The following DOCK8 variants were observed in gnomAD, a reference collection of about 807,000 sequenced individuals.
DOCK8 encodes the protein dedicator of cytokinesis protein 8.
Under a neutral mutation model 245.6 loss-of-function variants are expected in DOCK8, and 141 were observed. The ratio of observed to expected loss-of-function variants is 0.57; its 90% CI spans 0.50 to 0.66. The LOEUF is 0.66. Among genes scored for constraint, DOCK8 ranks in the 30% least tolerant of loss-of-function variants. The pLI, the probability that DOCK8 is intolerant of heterozygous loss-of-function variation, is 0.00. For missense variants in DOCK8, 2,965 were observed against 2,603.4 expected, an observed-to-expected ratio of 1.14 and a Z score of -3.02; for synonymous variants, 1,168 against 970.2, an observed-to-expected ratio of 1.20 and a Z score of -3.79.
At position 312,014 on chromosome 9, in the gene DOCK8, T is replaced by G. The variant is rs771224715; in HGVS notation, c.589T>G (p.Cys197Gly). 1 of 1,614,188 alleles carries G rather than the reference T, an allele frequency of 6.2e-7. No individual in the cohort carries two copies. Among genetic ancestry groups the G allele is most frequent in the Non-Finnish European group, 8.5e-7 (1 of 1,180,022 alleles). ...GTCTGGGAAAGGCCCCGTCACTGCC[T>G]GTGACTTTGACCTCCGCAGCCTGCA... ...DVSGKGPVTA[C>G]DFDLRSLQPD... Residue 197 changes from cysteine (C) to glycine (G), a missense_variant, in exon 6 of 48, where the codon TGT (cysteine) becomes GGT (glycine). Coordinates refer to ENST00000432829, the MANE Select transcript of DOCK8 (RefSeq NM_203447.4).
At chr9:394,808 C>G (rs557941161) in intron 24 of DOCK8, among the ~76,000 whole-genome samples, 7 of 152,366 alleles carry the variant, frequency 4.6e-5, no homozygotes, top group African/African-American at 1.4e-4. Context: ...CAGGCCTCCA[C>G]TAGTGTTTCT....
At chr9:255,256 A>C (rs2047741909) in intron 1 of DOCK8, among the ~76,000 whole-genome samples, 2 of 152,152 alleles carry the variant, frequency 1.3e-5, no homozygotes, top group South Asian at 4.1e-4. Flanking sequence ...CGATCCTGAG[A>C]CTCTTTTGAC....
intron 11 of DOCK8, among the ~76,000 whole-genome samples, chr9:336,045 C>T (rs1015273110): frequency 6.6e-6 from 1 of 152,174 alleles, no homozygotes; most frequent in Non-Finnish European, 1.5e-5. Flanking sequence ...ATTTGGGGTT[C>T]TAATTCCCAT....
chr9:265,265 C>G (rs1295715930), intron 1 of DOCK8, among the ~76,000 whole-genome samples: 2 of 152,126 alleles, frequency 1.3e-5, no homozygotes, highest in African/African-American at 4.8e-5. Context: ...ACTACCCTGC[C>G]CTAACCTTGT....
intron 1 of DOCK8, among the ~76,000 whole-genome samples, chr9:225,476 C>T (rs932972014): frequency 2.0e-5 from 3 of 152,128 alleles, no homozygotes; most frequent in Non-Finnish European, 4.4e-5. Context: ...TGGGATTAGA[C>T]TGGGTCATCA....
chr9:417,676 C>T (rs2056087219), intron 29 of DOCK8, among the ~76,000 whole-genome samples: 1 of 152,116 alleles, frequency 6.6e-6, no homozygotes, highest in Non-Finnish European at 1.5e-5. Flanking sequence ...TATTGCTGAA[C>T]TTGTGATAAT....
chr9:403,662 G>A (rs769128280), intron 26 of DOCK8, among the ~76,000 whole-genome samples: 3 of 151,602 alleles, frequency 2.0e-5, no homozygotes, highest in African/African-American at 4.8e-5. Flanking sequence ...CCAGGAGTTC[G>A]AGACCAGCTT....
chr9:291,897 C>G (rs192970319), intron 4 of DOCK8, among the ~76,000 whole-genome samples: 2 of 150,820 alleles, frequency 1.3e-5, no homozygotes, highest in Admixed American at 6.6e-5. Flanking sequence ...AGAGACCCCA[C>G]CTCTAAAAAA....
chr9:434,860 A>C lies in DOCK8; in HGVS notation c.4964A>C (p.Lys1655Thr). ...AACATGGCAGAGAAACACACCAAGA[A>C]GAAGTGCTACACGGAGGCTGCCATG... ...LQNMAEKHTK[K>T]KCYTEAAMCL... Residue 1655 changes from lysine to threonine, a missense_variant, in exon 39 of 48, where the codon AAG becomes ACG. Transcript: ENST00000432829. 1 of 1,614,138 alleles carries C rather than the reference A, an allele frequency of 6.2e-7. No homozygotes were observed. Among genetic ancestry groups the C allele is most frequent in the Non-Finnish European group, 8.5e-7 (1 of 1,180,026 alleles).
chr9:267,226 A>G (rs2048056387), intron 1 of DOCK8, among the ~76,000 whole-genome samples: 1 of 152,200 alleles, frequency 6.6e-6, no homozygotes, highest in East Asian at 1.9e-4. Context: ...TTGTTTTGAG[A>G]CAGGGTCTCA....
chr9:262,211 A>G (rs188851519), intron 1 of DOCK8, among the ~76,000 whole-genome samples: 14 of 152,204 alleles, frequency 9.2e-5, no homozygotes, highest in Admixed American at 3.3e-4. Flanking sequence ...TGTCTAGTAT[A>G]ATGGCTAAAA....
intron 2 of DOCK8, among the ~76,000 whole-genome samples, chr9:281,875 T>C (rs2048602068): frequency 6.6e-6 from 1 of 152,210 alleles, no homozygotes; most frequent in South Asian, 2.1e-4. Context: ...CCTCCCACTT[T>C]AGTTTCAGTG....
intron 1 of DOCK8, among the ~76,000 whole-genome samples, chr9:216,535 G>GAAAAAAAAA (rs2046756542): frequency 1.3e-4 from 1 of 7,512 alleles, no homozygotes; most frequent in South Asian, 2.8e-3. Flanking sequence ...TCAAAAAACA[G>GAAAAAAAAA]ACAAAAAAAA....
intron 14 of DOCK8, among the ~76,000 whole-genome samples, chr9:362,856 T>C (rs1473182073): frequency 6.6e-6 from 1 of 152,230 alleles, no homozygotes; most frequent in African/African-American, 2.4e-5. Flanking sequence ...GCCAAAGTGA[T>C]GTTTTTGTAT....
At chr9:317,317 G>C (rs369922285) in intron 7 of DOCK8, among the ~76,000 whole-genome samples, 189 bp downstream of exon 7, 4 of 152,138 alleles carry the variant, frequency 2.6e-5, no homozygotes, top group African/African-American at 7.2e-5. Flanking sequence ...CCAACTTCTT[G>C]ATGGTCATTC....
intron 2 of DOCK8, among the ~76,000 whole-genome samples, chr9:279,623 C>G (rs941366648): frequency 6.6e-6 from 1 of 152,150 alleles, no homozygotes. Context: ...GAAAGTATGT[C>G]AAGAGGGAGA....
At chr9:420,233 A>AG (rs1185392106) in intron 30 of DOCK8, 168 bp from the exon 31 acceptor site, 2 of 743,446 alleles carry the variant, frequency 2.7e-6, no homozygotes, top group Non-Finnish European at 4.6e-6. Context: ...TCCCCTGCCT[A>AG]GGGAAGGCAG....
At position 275,961 on chromosome 9, in the gene DOCK8, G is replaced by T. The variant is rs529810052; in HGVS notation, c.156+4232G>T. Among the ~76,000 whole-genome samples the T allele has an allele frequency of 2.6e-5, 4 of 151,448 alleles. No individual in the cohort carries two copies. In the East Asian group the frequency reaches 7.8e-4, roughly 29 times the overall value. ...GCTGGAGTGCAGTGATGTGATTTCTGCTCTCTGCAACCTCTGCCTCCTGCG... is the reference window on the plus strand; with the variant it reads ...GCTGGAGTGCAGTGATGTGATTTCTTCTCTCTGCAACCTCTGCCTCCTGCG... On this transcript the variant is annotated intron_variant, in intron 2 of 47. Transcript: ENST00000432829.
chr9:369,945 G>A (rs770606723), intron 15 of DOCK8: 25 of 437,342 alleles, frequency 5.7e-5, no homozygotes, highest in South Asian at 2.7e-4. Context: ...GGGACTATAC[G>A]CATGTGCCAC....
Sources: gnomAD v4.1 joint callset for allele counts (sites outside exome capture counted in the v4.1 genomes callset) on GRCh38, gnomAD v4.1.1 for gene constraint, MANE v1.5 for transcripts, NCBI Gene and HGNC (gene_info 2026-07-23, HGNC 2026-07-21) for gene names.